SGCZ: variants seen among roughly 807,000 people sequenced by gnomAD.
SGCZ encodes zeta-sarcoglycan.
In SGCZ, 40 loss-of-function variants were observed where a neutral mutation model predicts 41.3. The observed-to-expected ratio is 0.97, with a 90% CI of 0.75 to 1.26. SGCZ has a LOEUF of 1.26. SGCZ is among the 50% of genes most tolerant of loss of function. SGCZ has a pLI of 0.00. For missense variants in SGCZ, 552 were observed against 369.8 expected (o/e 1.49, Z -4.04); for synonymous variants, 206 against 137.5 (o/e 1.50, Z -3.49).
intron 7 of SGCZ, among the ~76,000 whole-genome samples, chr8:14,094,361 A>G (rs12675419): frequency 6.6e-6 from 1 of 151,248 alleles, no homozygotes; most frequent in Non-Finnish European, 1.5e-5. Context: ...TCATTGTTCA[A>G]CTCCCAATTA....
At chr8:14,876,006 T>C (rs1804344892) in intron 1 of SGCZ, among the ~76,000 whole-genome samples, 1 of 152,154 alleles carries the variant, frequency 6.6e-6, no homozygotes, top group South Asian at 2.1e-4. Flanking sequence ...TTGGGAACTC[T>C]GGTAATTAAC....
At chr8:15,225,223 A>G (rs1173776842) in intron 1 of SGCZ, among the ~76,000 whole-genome samples, 1 of 152,152 alleles carries the variant, frequency 6.6e-6, no homozygotes, top group Non-Finnish European at 1.5e-5. Flanking sequence ...AATGATTGGT[A>G]TTATGCAGGC....
intron 1 of SGCZ, among the ~76,000 whole-genome samples, chr8:14,991,745 C>T (rs1204930315): frequency 6.6e-6 from 1 of 151,516 alleles, no homozygotes; most frequent in East Asian, 2.0e-4. Context: ...TTACCTCTCA[C>T]CCATCCTCCT....
chr8:14,684,015 C>T (rs942186720), intron 1 of SGCZ, among the ~76,000 whole-genome samples: 2 of 152,108 alleles, frequency 1.3e-5, no homozygotes, highest in Admixed American at 6.5e-5. Flanking sequence ...CTTTTCCTTT[C>T]TCAGTGATAT....
chr8:15,038,830 A>C (rs1032394510), intron 1 of SGCZ, among the ~76,000 whole-genome samples: 5 of 140,272 alleles, frequency 3.6e-5, no homozygotes, highest in Non-Finnish European at 6.4e-5. Flanking sequence ...AAAAAAAAAA[A>C]AAAAAAAAAG....
chr8:14,613,587 A>G (rs1170360332), intron 1 of SGCZ, among the ~76,000 whole-genome samples: 3 of 152,176 alleles, frequency 2.0e-5, no homozygotes, highest in Non-Finnish European at 4.4e-5. Context: ...TCAATCATTA[A>G]AAACAAATCC....
chr8:14,520,009 CT>C (rs758207762), intron 2 of SGCZ, among the ~76,000 whole-genome samples: 34 of 151,872 alleles, frequency 2.2e-4, no homozygotes, highest in Middle Eastern at 3.4e-3. Flanking sequence ...TCTTTTAAAA[CT>C]TTTTTTTAAA....
At chr8:14,910,297 T>C (rs1253948336) in intron 1 of SGCZ, among the ~76,000 whole-genome samples, 2 of 152,090 alleles carry the variant, frequency 1.3e-5, no homozygotes, top group East Asian at 1.9e-4. Context: ...CACATTGATA[T>C]ATATTTAGTC....
At chr8:14,861,005 G>A (rs138441761) in intron 1 of SGCZ, among the ~76,000 whole-genome samples, 62 of 152,264 alleles carry the variant, frequency 4.1e-4, no homozygotes, top group African/African-American at 1.4e-3. Context: ...TTGCCTTCGC[G>A]TTTAAGTTTA....
At chr8:14,729,838 A>C (rs1377123268) in intron 1 of SGCZ, among the ~76,000 whole-genome samples, 1 of 152,216 alleles carries the variant, frequency 6.6e-6, no homozygotes, top group African/African-American at 2.4e-5. Flanking sequence ...TAATCCTGGC[A>C]GTTTAGGAGG....
chr8:14,214,869 T>TA (rs1446580303), intron 4 of SGCZ, among the ~76,000 whole-genome samples: 1 of 151,968 alleles, frequency 6.6e-6, no homozygotes, highest in Non-Finnish European at 1.5e-5. Flanking sequence ...ATATATGAAG[T>TA]AAAAATGATA....
intron 2 of SGCZ, among the ~76,000 whole-genome samples, chr8:14,502,620 A>C (rs1802187674): frequency 6.6e-6 from 1 of 152,088 alleles, no homozygotes. Context: ...GAAAAAAAAC[A>C]ACCCCATTAA....
chr8:14,950,401 G>A (rs4831665), intron 1 of SGCZ, among the ~76,000 whole-genome samples: 121,841 of 151,342 alleles, frequency 0.81, 49,124 homozygotes, highest in East Asian at 0.83. Context: ...TTGTTGTTCA[G>A]TCTTCTCCCC....
chr8:14,809,797 A>G (rs73533049), intron 1 of SGCZ, among the ~76,000 whole-genome samples: 11,028 of 152,172 alleles, frequency 0.072, 897 homozygotes, highest in African/African-American at 0.2. Context: ...TACAACAGAA[A>G]AGTCAACATT....
chr8:14,109,009 TG>T (rs1490513714), intron 5 of SGCZ, among the ~76,000 whole-genome samples: 1 of 152,142 alleles, frequency 6.6e-6, no homozygotes. Context: ...AGCCTATTAT[TG>T]GTTTTTTAAA....
chr8:14,498,326 A>G (rs1177530084), intron 2 of SGCZ, among the ~76,000 whole-genome samples: 1 of 152,144 alleles, frequency 6.6e-6, no homozygotes, highest in Non-Finnish European at 1.5e-5. Flanking sequence ...AAGTGTAACA[A>G]CACACCACAA....
intron 2 of SGCZ, among the ~76,000 whole-genome samples, chr8:14,435,216 T>C (rs1325864746): frequency 6.6e-6 from 1 of 152,192 alleles, no homozygotes; most frequent in Non-Finnish European, 1.5e-5. Flanking sequence ...AAATTTAATA[T>C]CTTGCATATT....
intron 1 of SGCZ, among the ~76,000 whole-genome samples, chr8:14,810,341 A>T (rs1801702315): frequency 2.6e-5 from 4 of 152,044 alleles, no homozygotes; most frequent in Admixed American, 2.6e-4. Context: ...AGCAATGAGA[A>T]AGATCATATT....
At chr8:15,116,991 G>A (rs1463616159) in intron 1 of SGCZ, among the ~76,000 whole-genome samples, 1 of 152,164 alleles carries the variant, frequency 6.6e-6, no homozygotes, top group Non-Finnish European at 1.5e-5. Flanking sequence ...AATCTATTCT[G>A]AATAATAACA....
Sources: allele counts gnomAD v4.1 joint callset (sites outside exome capture counted in the v4.1 genomes callset), GRCh38; gene constraint gnomAD v4.1.1; transcripts MANE v1.5; gene names NCBI Gene and HGNC (gene_info 2026-07-23, HGNC 2026-07-21).